GALNT18: variants seen among roughly 807,000 people sequenced by gnomAD.
GALNT18 encodes GalNAc-transferase 18.
GALNT18 carries 44 observed loss-of-function variants against 69.5 expected under a neutral mutation model. The observed-to-expected ratio is 0.63, with a 90% CI of 0.50 to 0.81. The LOEUF (loss-of-function observed/expected upper bound fraction) is 0.81, where lower values mean the gene tolerates loss of function less well. GALNT18 is among the 40% of genes least tolerant of loss of function. The probability of loss-of-function intolerance (pLI) is 0.00; values close to 1 mark genes in which losing one functional copy is unlikely to be tolerated. For synonymous variants in GALNT18, 364 were observed against 318.2 expected, an observed-to-expected ratio of 1.14 and a Z score of -1.53; for missense variants, 715 against 810.0, an observed-to-expected ratio of 0.88 and a Z score of 1.42.
In GALNT18 at chr11:11,439,613, G is replaced by C. The variant is rs533639083; in HGVS notation, c.429-6826C>G. Reference sequence around the variant, plus strand: ...CTCCACTAGACTATAAGCTGTACAAGGTTAGGGCCGTGTCTGCTTTGCTCA... The same window carrying C: ...CTCCACTAGACTATAAGCTGTACAACGTTAGGGCCGTGTCTGCTTTGCTCA... On this transcript the variant is annotated intron_variant, in intron 2 of 10. Coordinates refer to ENST00000227756, the MANE Select transcript of GALNT18 (RefSeq NM_198516.3). This position sits in a 1 kb window ranked among gnomAD's most constrained non-coding sequence, Gnocchi z 4.4. Among the ~76,000 whole-genome samples the C allele has an allele frequency of 1.4e-4, 22 of 152,350 alleles. No homozygotes were observed. Among genetic ancestry groups the C allele is most frequent in the African/African-American group, 5.3e-4 (22 of 41,584 alleles).
Position 11,496,733 on chromosome 11 carries a change from A to G in GALNT18, c.236-47797T>C, listed in dbSNP as rs917929191. ...TTGTGAGGATCCCCCACTACTCTGA[A>G]TCCACCCACCTGGCTGCTTCTGCTA... is the stretch of plus-strand genomic sequence containing the variant. On this transcript the variant is annotated intron_variant, in intron 1 of 10. Coordinates refer to ENST00000227756, the MANE Select transcript of GALNT18 (RefSeq NM_198516.3). The surrounding 1 kb of genome is among the most constrained non-coding windows in gnomAD (Gnocchi z 4.0). 6.6e-6 allele frequency among the ~76,000 whole-genome samples: 1 copy of G among 152,064 alleles called. No individual in the cohort carries two copies. The highest frequency in any genetic ancestry group is 1.5e-5 in the Non-Finnish European group (1 of 67,996).
At chr11:11,316,685 A>G (rs2403513) in intron 9 of GALNT18, among the ~76,000 whole-genome samples, 87,422 of 152,052 alleles carry the variant, frequency 0.57, 26,877 homozygotes, top group Admixed American at 0.73. Context: ...GCACTCCCCC[A>G]AAAACCCTGT....
At chr11:11,276,843 G>A (rs180858463) in intron 10 of GALNT18, among the ~76,000 whole-genome samples, 8 of 152,246 alleles carry the variant, frequency 5.3e-5, no homozygotes, top group East Asian at 1.9e-4. Flanking sequence ...AACCAGCCTC[G>A]CAGCCCAGGG....
rs1194093879 is a variant in GALNT18, at chr11:11,461,466, T to C, written c.236-12530A>G. On this transcript the variant is annotated intron_variant, in intron 1 of 10. Transcript: ENST00000227756. The surrounding 1 kb of genome is among the most constrained non-coding windows in gnomAD (Gnocchi z 4.1). ...TCTGTATCTTAGGAATCAGAATTTATATGTGCCATTACTTGCTACTTTAAA... is the reference window on the plus strand; with the variant it reads ...TCTGTATCTTAGGAATCAGAATTTACATGTGCCATTACTTGCTACTTTAAA... 1.3e-5 allele frequency among the ~76,000 whole-genome samples: 2 copies of C among 152,260 alleles called. No individual in the cohort carries two copies. Among genetic ancestry groups the C allele is most frequent in the African/African-American group, 4.8e-5 (2 of 41,468 alleles).
Position 11,595,069 on chromosome 11 carries a change from C to A in GALNT18, c.235+26290G>T, listed in dbSNP as rs909214150. On this transcript the variant is annotated intron_variant, in intron 1 of 10. Transcript: ENST00000227756. This position sits in a 1 kb window ranked among gnomAD's most constrained non-coding sequence, Gnocchi z 5.2. ...ATATTCATTCCTAGAATTGAAATTA[C>A]CTGGTCACATAAACTTTATGCTTAA... is the stretch of plus-strand genomic sequence containing the variant. Among the ~76,000 whole-genome samples the A allele has an allele frequency of 1.3e-5, 2 of 151,224 alleles. No homozygotes were observed. Among genetic ancestry groups the A allele is most frequent in the African/African-American group, 4.9e-5 (2 of 41,110 alleles).
Position 11,377,731 on chromosome 11 carries a change from C to G in GALNT18, c.780-352G>C, listed in dbSNP as rs922070973. Among the ~76,000 whole-genome samples, 2 of 152,080 alleles carry G rather than the reference C, an allele frequency of 1.3e-5. No individual in the cohort carries two copies. Among genetic ancestry groups the G allele is most frequent in the African/African-American group, 4.8e-5 (2 of 41,400 alleles). On this transcript the variant is annotated intron_variant, in intron 4 of 10. Coordinates refer to ENST00000227756, the MANE Select transcript of GALNT18 (RefSeq NM_198516.3). The surrounding 1 kb of genome is among the most constrained non-coding windows in gnomAD (Gnocchi z 4.6). ...AGAAGAAAGAAACAGATCTGAGGCT[C>G]CAGAAAAAGCTTTCACCTTGGGCTT...
chr11:11,293,545 T>TG (rs1399886295), intron 9 of GALNT18, among the ~76,000 whole-genome samples: 2 of 142,434 alleles, frequency 1.4e-5, no homozygotes, highest in African/African-American at 5.2e-5. Context: ...TTTTTTTTTT[T>TG]TTTTTTTTTT....
intron 10 of GALNT18, among the ~76,000 whole-genome samples, chr11:11,278,315 G>A (rs1848991528): frequency 1.3e-5 from 2 of 149,260 alleles, no homozygotes; most frequent in African/African-American, 2.5e-5. Flanking sequence ...GTTGACCAAC[G>A]AGAACACATG....
At position 11,430,326 on chromosome 11, in the gene GALNT18, T is replaced by C. The variant is rs1855237928; in HGVS notation, c.595+2295A>G. On this transcript the variant is annotated intron_variant, in intron 3 of 10. Transcript: ENST00000227756. This position sits in a 1 kb window ranked among gnomAD's most constrained non-coding sequence, Gnocchi z 4.9. ...CACCCAGTATTCCCCAATGGTAACA[T>C]TGTACACAACCACAGCACAATATCA... is the stretch of plus-strand genomic sequence containing the variant. Among the ~76,000 whole-genome samples the C allele has an allele frequency of 6.6e-6, 1 of 152,160 alleles. No individual in the cohort carries two copies. The highest frequency in any genetic ancestry group is 6.5e-5 in the Admixed American group (1 of 15,280).
intron 9 of GALNT18, among the ~76,000 whole-genome samples, chr11:11,304,143 G>A (rs1849539754): frequency 6.6e-6 from 1 of 152,160 alleles, no homozygotes; most frequent in Non-Finnish European, 1.5e-5. Flanking sequence ...CACATTTAGG[G>A]CAACTCTCTA....
intron 1 of GALNT18, among the ~76,000 whole-genome samples, chr11:11,594,816 CATATATAT>C (rs1206038267): frequency 0.039 from 4,697 of 121,502 alleles, 281 homozygotes; most frequent in African/African-American, 0.13. Flanking sequence ...TTATCTTGGG[CATATATAT>C]ATATATATAT....
chr11:11,469,300 T>C lies in GALNT18; in HGVS notation c.236-20364A>G, dbSNP rs58804453. On this transcript the variant is annotated intron_variant, in intron 1 of 10. Coordinates refer to ENST00000227756, the MANE Select transcript of GALNT18 (RefSeq NM_198516.3). The surrounding 1 kb of genome is among the most constrained non-coding windows in gnomAD (Gnocchi z 4.2). Reference sequence around the variant, plus strand: ...CCAGGGACTTCACAGAGGGAGCAGATGAAAGGCATGGAGACAGCGCTGAAA... The same window carrying C: ...CCAGGGACTTCACAGAGGGAGCAGACGAAAGGCATGGAGACAGCGCTGAAA... 0.085 allele frequency among the ~76,000 whole-genome samples: 13,009 copies of C among 152,244 alleles called. 705 individuals carry two copies. The highest frequency in any genetic ancestry group is 0.16 in the Middle Eastern group (47 of 294).
chr11:11,279,783 T>G (rs941620474), intron 10 of GALNT18, among the ~76,000 whole-genome samples: 1 of 152,246 alleles, frequency 6.6e-6, no homozygotes, highest in African/African-American at 2.4e-5. Flanking sequence ...AGGGTGTTGC[T>G]AGCAGTCCTA....
intron 1 of GALNT18, among the ~76,000 whole-genome samples, chr11:11,567,994 G>A (rs1311324401): frequency 6.6e-6 from 1 of 152,170 alleles, no homozygotes; most frequent in African/African-American, 2.4e-5. Flanking sequence ...ACAAAGGCCT[G>A]GCCCCACTGC....
chr11:11,551,270 T>C (rs187643661), intron 1 of GALNT18, among the ~76,000 whole-genome samples: 126 of 152,264 alleles, frequency 8.3e-4, no homozygotes, highest in Middle Eastern at 3.4e-3. Context: ...GGGCCAAACC[T>C]GATTTTTTTT....
intron 6 of GALNT18, among the ~76,000 whole-genome samples, chr11:11,360,473 T>C (rs980228499): frequency 6.6e-6 from 1 of 152,268 alleles, no homozygotes; most frequent in South Asian, 2.1e-4. Context: ...ATTCTCTTCA[T>C]CGATTTTCTA....
intron 10 of GALNT18, among the ~76,000 whole-genome samples, chr11:11,279,664 T>A (rs1260999669): frequency 6.6e-6 from 1 of 151,986 alleles, no homozygotes; most frequent in African/African-American, 2.4e-5. Flanking sequence ...AACATTATTC[T>A]ATTTATATAA....
intron 1 of GALNT18, among the ~76,000 whole-genome samples, chr11:11,609,548 C>T (rs144749218): frequency 0.011 from 1,676 of 152,324 alleles, 14 homozygotes; most frequent in South Asian, 0.02. Flanking sequence ...TCAATAAACG[C>T]TTGTTCAGTG....
chr11:11,442,907 G>T (rs1472341382), intron 2 of GALNT18, among the ~76,000 whole-genome samples: 1 of 152,230 alleles, frequency 6.6e-6, no homozygotes, highest in Non-Finnish European at 1.5e-5. Flanking sequence ...AGGCTCAGGA[G>T]CCTCTGAAGA....
Sources: allele counts gnomAD v4.1 joint callset (sites outside exome capture counted in the v4.1 genomes callset), GRCh38; gene constraint gnomAD v4.1.1; non-coding constraint Gnocchi (gnomAD v3.1); transcripts MANE v1.5; gene names NCBI Gene and HGNC (gene_info 2026-07-23, HGNC 2026-07-21).